RGS6: variants seen among roughly 807,000 people sequenced by gnomAD.
RGS6 encodes regulator of G-protein signaling 6.
Under a neutral mutation model 78.5 loss-of-function variants are expected in RGS6, and 30 were observed. That is an observed-to-expected ratio of 0.38 (90% CI 0.29 to 0.52). RGS6 has a LOEUF of 0.52. RGS6 is among the 20% of genes least tolerant of loss of function. The probability of loss-of-function intolerance (pLI) is 0.85; values close to 1 mark genes in which losing one functional copy is unlikely to be tolerated. For synonymous variants in RGS6, 206 were observed against 206.0 expected (o/e 1.00, Z 0.00); for missense variants, 495 against 609.7 (o/e 0.81, Z 1.98).
chr14:72,159,273 A>G (rs2096820303), intron 2 of RGS6, among the ~76,000 whole-genome samples: 1 of 152,220 alleles, frequency 6.6e-6, no homozygotes, highest in Non-Finnish European at 1.5e-5. Flanking sequence ...TCGGTAAAGA[A>G]CAAGAATTCC....
chr14:72,606,041 C>T, the RGS6 span, among the ~76,000 whole-genome samples: 3 of 152,126 alleles, frequency 2.0e-5, no homozygotes, highest in African/African-American at 4.8e-5. Context: ...CCCCCGAGAC[C>T]TCTGGGCATC....
intron 2 of RGS6, among the ~76,000 whole-genome samples, chr14:72,031,773 C>A (rs930286107): frequency 9.8e-5 from 15 of 152,330 alleles, no homozygotes; most frequent in African/African-American, 3.4e-4. Context: ...TGGGCAAGCG[C>A]AATCCTGTAT....
At chr14:72,477,141 G>A (rs974350922) in intron 11 of RGS6, 4 of 339,420 alleles carry the variant, frequency 1.2e-5, no homozygotes, top group African/African-American at 8.5e-5. Context: ...GCTGGAGGAA[G>A]GAGGGGGCTC....
chr14:72,320,935 TA>T (rs1276342418), intron 2 of RGS6, among the ~76,000 whole-genome samples: 1 of 149,808 alleles, frequency 6.7e-6, no homozygotes, highest in African/African-American at 2.4e-5. Flanking sequence ...ATATATTTAC[TA>T]AATATACTAA....
chr14:72,415,525 C>T (rs113774100), intron 3 of RGS6, among the ~76,000 whole-genome samples: 2 of 152,276 alleles, frequency 1.3e-5, no homozygotes, highest in South Asian at 2.1e-4. Flanking sequence ...GGCTCACGCA[C>T]GGTGCGCTGC....
Position 72,060,983 on chromosome 14 carries a change from T to C in RGS6, c.84+96108T>C, listed in dbSNP as rs1444223056. Reference sequence around the variant, plus strand: ...ACCTGTTATCATGGAGAAGTTATTATTCAAGACCTGTAAGGGGAATGTGGC... The same window carrying C: ...ACCTGTTATCATGGAGAAGTTATTACTCAAGACCTGTAAGGGGAATGTGGC... On this transcript the variant is annotated intron_variant, in intron 2 of 17. Transcript: ENST00000553525. 2.0e-5 allele frequency among the ~76,000 whole-genome samples: 3 copies of C among 152,288 alleles called. No individual in the cohort carries two copies. In the East Asian group the frequency reaches 5.8e-4, roughly 29 times the overall value.
chr14:72,152,243 AGAGTGTGTGT>A (rs1433197517), intron 2 of RGS6, among the ~76,000 whole-genome samples: 6 of 125,264 alleles, frequency 4.8e-5, no homozygotes, highest in African/African-American at 1.6e-4. Flanking sequence ...AGAGAGAGAG[AGAGTGTGTGT>A]GTGTGTGTGT....
chr14:72,110,680 CTA>C (rs1411311295), intron 2 of RGS6, among the ~76,000 whole-genome samples: 1 of 152,150 alleles, frequency 6.6e-6, no homozygotes, highest in African/African-American at 2.4e-5. Flanking sequence ...TACATGAAGT[CTA>C]TAACCTGTTG....
the RGS6 span, among the ~76,000 whole-genome samples, chr14:72,580,504 A>G: frequency 6.6e-6 from 1 of 152,174 alleles, no homozygotes; most frequent in African/African-American, 2.4e-5. Context: ...CAAGTAACTC[A>G]GGCCCTGGGA....
At chr14:72,490,219 T>G (rs528716459) in intron 12 of RGS6, among the ~76,000 whole-genome samples, 242 of 152,328 alleles carry the variant, frequency 1.6e-3, no homozygotes, top group Non-Finnish European at 3.2e-3. Flanking sequence ...TGAGATCTGA[T>G]GGCTTTAAAA....
chr14:72,083,715 G>T (rs2094915982), intron 2 of RGS6, among the ~76,000 whole-genome samples: 1 of 152,204 alleles, frequency 6.6e-6, no homozygotes, highest in African/African-American at 2.4e-5. Flanking sequence ...CTTCTTGCCT[G>T]TTAAACTTTC....
chr14:71,914,448 C>G, the RGS6 span, among the ~76,000 whole-genome samples: 14 of 152,160 alleles, frequency 9.2e-5, no homozygotes, highest in Non-Finnish European at 1.9e-4. Context: ...AGAGATTTTT[C>G]ATGGACCCTG....
chr14:72,340,009 G>A (rs2076697447), intron 2 of RGS6, among the ~76,000 whole-genome samples: 3 of 152,020 alleles, frequency 2.0e-5, no homozygotes, highest in Admixed American at 2.0e-4. Context: ...ATCCTCAAGG[G>A]GCCCCTCTGC....
chr14:72,286,686 TTGA>T, intron 2 of RGS6, among the ~76,000 whole-genome samples: 1 of 152,210 alleles, frequency 6.6e-6, no homozygotes, highest in Non-Finnish European at 1.5e-5. Flanking sequence ...ATTTATTTCA[TTGA>T]TGTTGCCTCA....
rs2092200390 is a variant in RGS6 at position 71,950,613 on chromosome 14, C to T, written c.-20-14159C>T. Among the ~76,000 whole-genome samples, 3 of 152,108 alleles carry T rather than the reference C, an allele frequency of 2.0e-5. No homozygotes were observed. The South Asian group carries it at 6.2e-4, about 32-fold the overall frequency. On this transcript the variant is annotated intron_variant, in intron 1 of 17. Transcript: ENST00000553525. The stretch of plus-strand genomic sequence containing the variant: ...GCTTCTGCATAGCAAAAGAAACTAT[C>T]ATCAGAGCGAACAGGCAGCCTACAG...
intron 1 of RGS6, among the ~76,000 whole-genome samples, chr14:71,935,137 C>T (rs535599372): frequency 6.6e-6 from 1 of 152,242 alleles, no homozygotes; most frequent in South Asian, 2.1e-4. Flanking sequence ...AATTACTATA[C>T]ACACACTATC....
At chr14:72,522,403 C>A (rs1000191283) in intron 15 of RGS6, among the ~76,000 whole-genome samples, 1 of 152,220 alleles carries the variant, frequency 6.6e-6, no homozygotes, top group Non-Finnish European at 1.5e-5. Context: ...CATTCCACAA[C>A]AGGGCGATTT....
chr14:72,547,212 C>T, intron 17 of RGS6: 1 of 1,535,430 alleles, frequency 6.5e-7, no homozygotes, highest in East Asian at 2.4e-5. Flanking sequence ...CAGAGGGGGC[C>T]AGAGAAAGAG....
chr14:72,393,086 G>T (rs745679500), intron 3 of RGS6, among the ~76,000 whole-genome samples: 2 of 152,222 alleles, frequency 1.3e-5, no homozygotes, highest in African/African-American at 2.4e-5. Flanking sequence ...CAAAGGGTCA[G>T]ATACCATTTC....
Sources: gnomAD v4.1 joint callset for allele counts (sites outside exome capture counted in the v4.1 genomes callset) on GRCh38, gnomAD v4.1.1 for gene constraint, MANE v1.5 for transcripts, NCBI Gene and HGNC (gene_info 2026-07-23, HGNC 2026-07-21) for gene names.